Variants in PACS1 observed in about 807,000 individuals in gnomAD.
PACS1 encodes PACS-1.
PACS1 carries 24 observed loss-of-function variants against 115.0 expected under a neutral mutation model. The ratio of observed to expected loss-of-function variants is 0.21; its 90% confidence interval spans 0.15 to 0.29. PACS1 has a LOEUF of 0.29. PACS1 is among the 10% of genes least tolerant of loss of function. The pLI is 1.00. For synonymous variants in PACS1, 453 were observed against 504.5 expected, an observed-to-expected ratio of 0.90 and a Z score of 1.37; for missense variants, 838 against 1,251.2, an observed-to-expected ratio of 0.67 and a Z score of 4.98.
intron 2 of PACS1, among the ~76,000 whole-genome samples, chr11:66,196,230 G>T (rs2134677588): frequency 6.6e-6 from 1 of 152,334 alleles, no homozygotes; most frequent in Admixed American, 6.5e-5. Context: ...ACCCAAACAA[G>T]GGAGAGAAAG....
At chr11:66,132,604 G>GA (rs200311469) in intron 1 of PACS1, among the ~76,000 whole-genome samples, 3 of 150,552 alleles carry the variant, frequency 2.0e-5, no homozygotes, top group South Asian at 2.1e-4. Context: ...GAATAAACAA[G>GA]AAAAAAAAAG....
At chr11:66,228,640 G>T (rs1855514897) in intron 11 of PACS1, among the ~76,000 whole-genome samples, 1 of 152,150 alleles carries the variant, frequency 6.6e-6, no homozygotes, top group Admixed American at 6.5e-5. Context: ...GTAAAAAGAA[G>T]CCGAATGCCA....
chr11:66,235,055 T>C lies in PACS1; in HGVS notation c.2105-246T>C, dbSNP rs998778585. Among the ~76,000 whole-genome samples the C allele has an allele frequency of 1.3e-5, 2 of 151,872 alleles. No individual in the cohort carries two copies. The highest frequency in any genetic ancestry group is 3.8e-4 in the East Asian group (2 of 5,200). On this transcript the variant is annotated intron_variant, in intron 17 of 23. Transcript: ENST00000320580. The surrounding 1 kb of genome is among the most constrained non-coding windows in gnomAD (Gnocchi z 5.6). ...ATGTGCAAGGACAGGCAGGAGCAAG[T>C]GGACATGAGAAGAAGGGTGTGCGTG...
chr11:66,115,759 C>G (rs980500569), intron 1 of PACS1, among the ~76,000 whole-genome samples: 1 of 152,228 alleles, frequency 6.6e-6, no homozygotes, highest in African/African-American at 2.4e-5. Context: ...TATTAGCTGA[C>G]CTCGGTATTA....
intron 1 of PACS1, among the ~76,000 whole-genome samples, chr11:66,183,201 A>G (rs1860046346): frequency 1.3e-5 from 2 of 152,358 alleles, no homozygotes; most frequent in Admixed American, 6.5e-5. Flanking sequence ...GCTATTTCAT[A>G]TGAAATAATA....
In PACS1 at chr11:66,233,060, A is replaced by G; in HGVS notation, c.1832A>G (p.Gln611Arg). Residue 611 changes from glutamine (Q) to arginine (R), a missense_variant, in exon 15 of 24, where the codon CAG (glutamine) becomes CGG (arginine). Physicochemically the swap from Gln to Arg is conservative, Grantham distance 43. Coordinates refer to ENST00000320580, the MANE Select transcript of PACS1 (RefSeq NM_018026.4). This position sits in a 1 kb window ranked among gnomAD's most constrained non-coding sequence, Gnocchi z 4.5. ...CTGTCCGCCCTGCTCACCCGGATCC[A>G]GCGCTAGTAAGGGCTCTGGCCTCCC... is the stretch of plus-strand genomic sequence containing the variant. ...AVLSALLTRI[Q>R]RYCNCNSSMP... The G allele has an allele frequency of 6.2e-7, 1 of 1,606,468 alleles. No homozygotes were observed.
intron 2 of PACS1, among the ~76,000 whole-genome samples, chr11:66,209,021 A>G (rs1855010678): frequency 6.6e-6 from 1 of 152,146 alleles, no homozygotes; most frequent in Non-Finnish European, 1.5e-5. Flanking sequence ...TGGGAATCAT[A>G]CTGAACAAGA....
intron 1 of PACS1, among the ~76,000 whole-genome samples, chr11:66,129,745 C>T (rs1015944566): frequency 1.8e-4 from 28 of 152,104 alleles, no homozygotes; most frequent in African/African-American, 6.8e-4. Flanking sequence ...CTCAAGTTAA[C>T]TTTATCGTTC....
chr11:66,232,510 G>A (rs186509090), intron 14 of PACS1, among the ~76,000 whole-genome samples: 4 of 151,380 alleles, frequency 2.6e-5, no homozygotes, highest in East Asian at 3.9e-4. Flanking sequence ...TTCCTCATAC[G>A]TTAAAAAACA....
At chr11:66,178,344 C>T (rs573257798) in intron 1 of PACS1, among the ~76,000 whole-genome samples, 2 of 152,128 alleles carry the variant, frequency 1.3e-5, no homozygotes, top group African/African-American at 2.4e-5. Flanking sequence ...TACATGGAAC[C>T]GTACTGGATG....
intron 1 of PACS1, among the ~76,000 whole-genome samples, chr11:66,127,692 T>C (rs1430635058): frequency 6.6e-6 from 1 of 152,202 alleles, no homozygotes; most frequent in African/African-American, 2.4e-5. Flanking sequence ...GTAGGAACAC[T>C]GTAGGCCAGA....
chr11:66,107,181 C>T (rs571060843), intron 1 of PACS1, among the ~76,000 whole-genome samples: 69 of 152,178 alleles, frequency 4.5e-4, no homozygotes, highest in Non-Finnish European at 8.4e-4. Context: ...ACTACTTCCT[C>T]CCAGGTCACT....
At chr11:66,163,143 G>C (rs916856873) in intron 1 of PACS1, among the ~76,000 whole-genome samples, 6 of 152,088 alleles carry the variant, frequency 3.9e-5, no homozygotes, top group Admixed American at 2.6e-4. Context: ...GAGGTCAGGA[G>C]TTTGAGACCA....
intron 19 of PACS1, chr11:66,238,178 A>G: frequency 1.0e-6 from 1 of 983,206 alleles, no homozygotes. Context: ...CCCCACCCCC[A>G]TTCAGTACAC....
intron 19 of PACS1, among the ~76,000 whole-genome samples, chr11:66,237,360 C>G (rs1336120508): frequency 6.6e-6 from 1 of 152,264 alleles, no homozygotes; most frequent in Non-Finnish European, 1.5e-5. Context: ...CCATGCCCCA[C>G]CAGCTTGTAT....
rs190200076 is a variant in PACS1, at chr11:66,235,708, C to T, written c.2208-190C>T. Among the ~76,000 whole-genome samples the T allele has an allele frequency of 6.6e-6, 1 of 152,242 alleles. No homozygotes were observed. Among genetic ancestry groups the T allele is most frequent in the Admixed American group, 6.5e-5 (1 of 15,294 alleles). On this transcript the variant is annotated intron_variant, in intron 18 of 23. Coordinates refer to ENST00000320580, the MANE Select transcript of PACS1 (RefSeq NM_018026.4). This position sits in a 1 kb window ranked among gnomAD's most constrained non-coding sequence, Gnocchi z 5.6. Reference sequence around the variant, plus strand: ...TAGCTTGCATGATCAGGTCATTTGCCCTCATTTTGTGAGCTCCACATGCAC... The same window carrying T: ...TAGCTTGCATGATCAGGTCATTTGCTCTCATTTTGTGAGCTCCACATGCAC...
chr11:66,081,367 A>G (rs1289557770), intron 1 of PACS1, among the ~76,000 whole-genome samples: 1 of 152,238 alleles, frequency 6.6e-6, no homozygotes, highest in African/African-American at 2.4e-5. Flanking sequence ...ACTTAATATC[A>G]GCTATTACTG....
intron 1 of PACS1, among the ~76,000 whole-genome samples, chr11:66,167,293 A>G (rs1437946562): frequency 6.9e-6 from 1 of 144,362 alleles, no homozygotes; most frequent in Non-Finnish European, 1.5e-5. Context: ...TGTCAGTATT[A>G]GGAGTTTCAG....
chr11:66,076,140 G>A (rs1187878049), intron 1 of PACS1, among the ~76,000 whole-genome samples: 1 of 152,184 alleles, frequency 6.6e-6, no homozygotes, highest in African/African-American at 2.4e-5. Context: ...AGTATCCATC[G>A]TCCCTGTGGA....
Sources: gnomAD v4.1 joint callset for allele counts (sites outside exome capture counted in the v4.1 genomes callset) on GRCh38, gnomAD v4.1.1 for gene constraint, Gnocchi (gnomAD v3.1) non-coding constraint, MANE v1.5 for transcripts, NCBI Gene and HGNC (gene_info 2026-07-23, HGNC 2026-07-21) for gene names.